HBS1L: variants seen among roughly 807,000 people sequenced by gnomAD.
The protein encoded by HBS1L is HBS1 like translational GTPase.
In HBS1L, 55 loss-of-function variants were observed where a neutral mutation model predicts 88.9. That is an observed-to-expected ratio of 0.62 (90% CI 0.50 to 0.77). The LOEUF is 0.77. Ranked by LOEUF, HBS1L falls within the 30% of genes least tolerant of loss-of-function variation. HBS1L has a pLI of 0.00. For missense variants in HBS1L, 741 were observed against 829.3 expected, an observed-to-expected ratio of 0.89 and a Z score of 1.31; for synonymous variants, 267 against 288.5, an observed-to-expected ratio of 0.93 and a Z score of 0.76.
rs548979852 is a variant in HBS1L, at chr6:135,007,657, A to G, written c.431-4815T>C. ...TGGAAGGCAGGCAAACTCTACTGAC[A>G]TAAGTCAGAAAGGAACTCATAACTA... is the stretch of plus-strand genomic sequence containing the variant. On this transcript the variant is annotated intron_variant, in intron 4 of 17. Transcript: ENST00000367837. 7.2e-5 allele frequency among the ~76,000 whole-genome samples: 11 copies of G among 152,310 alleles called. No homozygotes were observed. The East Asian group carries it at 1.7e-3, about 24-fold the overall frequency.
chr6:135,031,724 T>G (rs925438366), intron 4 of HBS1L, among the ~76,000 whole-genome samples: 4 of 152,126 alleles, frequency 2.6e-5, no homozygotes, highest in African/African-American at 9.6e-5. Flanking sequence ...AATCATATCT[T>G]TGTTCATCTT....
chr6:135,049,963 C>A (rs1777029063), intron 2 of HBS1L, among the ~76,000 whole-genome samples: 2 of 152,226 alleles, frequency 1.3e-5, no homozygotes, highest in Non-Finnish European at 2.9e-5. Context: ...AAATAAGTGA[C>A]AGGAGGATCA....
chr6:134,966,955 A>G (rs879452509), intron 16 of HBS1L, among the ~76,000 whole-genome samples: 5 of 152,218 alleles, frequency 3.3e-5, no homozygotes, highest in Non-Finnish European at 5.9e-5. Context: ...GAAGAGGACA[A>G]TCAATCTGTT....
At position 135,011,921 on chromosome 6, in the gene HBS1L, A is replaced by C. The variant is rs576602795; in HGVS notation, c.431-9079T>G. ...AACTTGTCTTAAAAAAAAAAAAAAA[A>C]AAAAAGGAGTTCCTACAAACTAGTG... On this transcript the variant is annotated intron_variant, in intron 4 of 17. Transcript: ENST00000367837. Among the ~76,000 whole-genome samples the C allele has an allele frequency of 2.9e-3, 445 of 151,508 alleles. 6 individuals are homozygous for C. Among genetic ancestry groups the C allele is most frequent in the East Asian group, 3.9e-3 (20 of 5,174 alleles).
rs1399925989 is a variant in HBS1L at position 134,964,754 on chromosome 6, A to C, written c.*525T>G. On this transcript the variant is annotated 3_prime_UTR_variant, in exon 18 of 18. Transcript: ENST00000367837. ...CACAAGTTTACTTGTTTGGGGAGGG[A>C]CATTCTTATGGTCACCACAAAATAC... The C allele has an allele frequency of 6.6e-6, 1 of 150,942 alleles. No homozygotes were observed. The highest frequency in any genetic ancestry group is 2.0e-4 in the East Asian group (1 of 5,110). 9.4% of individuals were successfully genotyped at this position (150,942 alleles called of 1,614,324 possible). A position where few individuals can be genotyped will look rare whatever the true frequency, so the allele number is the denominator to read the frequency against.
intron 4 of HBS1L, among the ~76,000 whole-genome samples, chr6:135,007,741 A>C (rs975216138): frequency 6.6e-6 from 1 of 152,220 alleles, no homozygotes; most frequent in Non-Finnish European, 1.5e-5. Flanking sequence ...CATATTTTTT[A>C]AAATGTAAAA....
At chr6:134,965,557 G>A (rs952327932) in intron 17 of HBS1L, among the ~76,000 whole-genome samples, 2 of 152,178 alleles carry the variant, frequency 1.3e-5, no homozygotes, top group Non-Finnish European at 2.9e-5. Context: ...TGATGGCAAC[G>A]ATATCAGCTA....
intron 4 of HBS1L, among the ~76,000 whole-genome samples, chr6:135,014,339 C>T (rs545069018): frequency 1.3e-5 from 2 of 152,296 alleles, no homozygotes; most frequent in East Asian, 3.9e-4. Context: ...TGCCTAGATA[C>T]GATCTTGGAT....
intron 7 of HBS1L, among the ~76,000 whole-genome samples, chr6:134,994,412 T>C (rs1000202301): frequency 3.9e-5 from 6 of 152,148 alleles, no homozygotes; most frequent in Non-Finnish European, 8.8e-5. Context: ...CAGATTGCTT[T>C]GTATCCTATT....
intron 3 of HBS1L, among the ~76,000 whole-genome samples, chr6:135,040,048 A>G (rs1044308654): frequency 2.0e-5 from 3 of 152,260 alleles, no homozygotes; most frequent in African/African-American, 4.8e-5. Context: ...GTATACACTA[A>G]TATCTATTTT....
chr6:134,992,549 G>C (rs1478420674), intron 8 of HBS1L, among the ~76,000 whole-genome samples: 1 of 152,080 alleles, frequency 6.6e-6, no homozygotes, highest in Admixed American at 6.6e-5. Context: ...TCCTGATCCT[G>C]TGTAGGCCTA....
chr6:134,970,856 T>G (rs971524238), intron 15 of HBS1L, among the ~76,000 whole-genome samples: 1 of 152,178 alleles, frequency 6.6e-6, no homozygotes, highest in Non-Finnish European at 1.5e-5. Flanking sequence ...AAGTGTGCAA[T>G]AAGCATTAAG....
rs925349441 is a variant in HBS1L, at chr6:134,986,047, A to C, written c.1423+19T>G. On this transcript the variant is annotated intron_variant, in intron 11 of 17. Transcript: ENST00000367837. ...ACCAAGTTTATAATGCATTAAAGCT[A>C]GAATGGCAGTATACTTACCAATTTG... is the stretch of plus-strand genomic sequence containing the variant. The C allele has an allele frequency of 1.0e-6, 1 of 993,206 alleles. No homozygotes were observed. Among genetic ancestry groups the C allele is most frequent in the Non-Finnish European group, 1.6e-6 (1 of 631,262 alleles). 61.5% of individuals were successfully genotyped at this position (993,206 alleles called of 1,614,324 possible). A position where few individuals can be genotyped will look rare whatever the true frequency, so the allele number is the denominator to read the frequency against.
At chr6:134,977,470 C>G (rs765414667) in intron 15 of HBS1L, among the ~76,000 whole-genome samples, 2 of 151,928 alleles carry the variant, frequency 1.3e-5, no homozygotes, top group African/African-American at 4.8e-5. Context: ...ATTTAAGTAT[C>G]TTCAACTATA....
chr6:134,971,556 A>C (rs1403692766), intron 15 of HBS1L, among the ~76,000 whole-genome samples: 1 of 152,180 alleles, frequency 6.6e-6, no homozygotes, highest in Non-Finnish European at 1.5e-5. Flanking sequence ...GGCAGCATGA[A>C]GTTAGGTCTT....
chr6:135,015,333 C>T (rs1473569638), intron 4 of HBS1L, among the ~76,000 whole-genome samples: 1 of 152,086 alleles, frequency 6.6e-6, no homozygotes, highest in African/African-American at 2.4e-5. Flanking sequence ...TGGTCTTGTC[C>T]ATCATTTTAC....
chr6:135,037,299 GTT>G, intron 4 of HBS1L: 1 of 1,551,808 alleles, frequency 6.4e-7, no homozygotes, highest in Non-Finnish European at 8.7e-7. Flanking sequence ...GGCTTATATT[GTT>G]TTCTTTGTGT....
In HBS1L at chr6:134,985,440, T is replaced by A. The variant is rs1774952377; in HGVS notation, c.1424-31A>T. On this transcript the variant is annotated intron_variant, in intron 11 of 17. Transcript: ENST00000367837. ...AAAAAGAAATTGCAAAAGGCAAGGT[T>A]TAATTTAAAATTAAATTTTTGACTC... is the stretch of plus-strand genomic sequence containing the variant. 2.8e-6 allele frequency: 4 copies of A among 1,443,268 alleles called. No individual in the cohort carries two copies. In the South Asian group the frequency reaches 4.9e-5, roughly 18 times the overall value. The allele number at this position is 1,443,268 out of a possible 1,614,324, so 89.4% of individuals were successfully genotyped here.
At chr6:134,991,034 G>GAA (rs367791186) in intron 8 of HBS1L, among the ~76,000 whole-genome samples, 4 of 134,024 alleles carry the variant, frequency 3.0e-5, no homozygotes, top group African/African-American at 1.1e-4. Context: ...AGTAATCAAT[G>GAA]AAAAAAAAAA....
Sources: gnomAD v4.1 joint callset for allele counts (sites outside exome capture counted in the v4.1 genomes callset) on GRCh38, gnomAD v4.1.1 for gene constraint, MANE v1.5 for transcripts, NCBI Gene and HGNC (gene_info 2026-07-23, HGNC 2026-07-21) for gene names.